Variants in LRRK1 observed in about 807,000 individuals in gnomAD.
LRRK1 encodes leucine-rich repeat serine/threonine-protein kinase 1.
Under a neutral mutation model 209.1 loss-of-function variants are expected in LRRK1, and 113 were observed. That is an observed-to-expected ratio of 0.54 (90% CI 0.46 to 0.63). The LOEUF (loss-of-function observed/expected upper bound fraction) is 0.63. LRRK1 is among the 30% of genes least tolerant of loss of function. The pLI is 0.00. For synonymous variants in LRRK1, 1,144 were observed against 1,099.7 expected, an observed-to-expected ratio of 1.04 and a Z score of -0.80; for missense variants, 2,284 against 2,632.2, an observed-to-expected ratio of 0.87 and a Z score of 2.89.
chr15:100,924,327 G>C lies in LRRK1; in HGVS notation c.-122-184G>C, dbSNP rs563359180. ...CTCAGGTAGACAATACCTGAGCCCC[G>C]CATCAAGATGGGATGGGGGGAGCTG... On this transcript the variant is annotated intron_variant, in intron 1 of 33. Coordinates refer to ENST00000388948, the MANE Select transcript of LRRK1 (RefSeq NM_024652.6). Among the ~76,000 whole-genome samples, 11 of 152,296 alleles carry C rather than the reference G, an allele frequency of 7.2e-5. No individual in the cohort carries two copies. In the East Asian group the frequency reaches 2.1e-3, roughly 29 times the overall value.
At position 101,048,634 on chromosome 15, in the gene LRRK1, C is replaced by A; in HGVS notation, c.3276C>A (p.Val1092=). ...TCTATTGGCAGGAAGGGCTCCTGGT[C>A]ACTTTTGATGGGGGCTACCTCAGGT... ...QTIYWQEGLL[V]TFDGGYLSVE... is the part of the protein sequence containing the mutation. The change falls in exon 22 of 34, where the codon GTC becomes GTA. Residue 1092 remains valine, a synonymous_variant. Coordinates refer to ENST00000388948, the MANE Select transcript of LRRK1 (RefSeq NM_024652.6). 6.5e-7 allele frequency: 1 copy of A among 1,538,142 alleles called. No homozygotes were observed. The highest frequency in any genetic ancestry group is 1.3e-5 in the South Asian group (1 of 78,776).
At chr15:100,974,558 G>A (rs527388040) in intron 3 of LRRK1, among the ~76,000 whole-genome samples, 30 of 152,250 alleles carry the variant, frequency 2.0e-4, no homozygotes, top group East Asian at 1.7e-3. Context: ...CCTTGTAGGC[G>A]TCTCCTTCAA....
chr15:101,047,178 T>C (rs908448032), intron 21 of LRRK1, among the ~76,000 whole-genome samples: 5 of 152,248 alleles, frequency 3.3e-5, no homozygotes, highest in African/African-American at 1.2e-4. Flanking sequence ...AAAGCCCTTA[T>C]TGAATTATAA....
intron 2 of LRRK1, among the ~76,000 whole-genome samples, chr15:100,946,402 T>A (rs1251119614): frequency 6.6e-6 from 1 of 152,106 alleles, no homozygotes; most frequent in Non-Finnish European, 1.5e-5. Flanking sequence ...AGCGAGACAA[T>A]GCACAGAGAA....
intron 2 of LRRK1, among the ~76,000 whole-genome samples, chr15:100,968,604 T>G (rs1335837058): frequency 6.6e-6 from 1 of 152,178 alleles, no homozygotes; most frequent in Non-Finnish European, 1.5e-5. Flanking sequence ...TTTGAATATT[T>G]TTTTGCTGTT....
intron 2 of LRRK1, among the ~76,000 whole-genome samples, chr15:100,936,289 C>T (rs989866050): frequency 3.3e-5 from 5 of 152,200 alleles, no homozygotes; most frequent in African/African-American, 1.2e-4. Context: ...TCCTTCAACT[C>T]CAGGGGTAGC....
intron 3 of LRRK1, among the ~76,000 whole-genome samples, chr15:100,977,311 A>G (rs530336094): frequency 6.6e-6 from 1 of 152,150 alleles, no homozygotes; most frequent in Non-Finnish European, 1.5e-5. Flanking sequence ...CACTGAAGAA[A>G]TATACTTGCA....
chr15:100,991,749 G>A (rs2032164699), intron 6 of LRRK1, among the ~76,000 whole-genome samples: 2 of 152,002 alleles, frequency 1.3e-5, no homozygotes, highest in Non-Finnish European at 2.9e-5. Flanking sequence ...CTCAAAAACT[G>A]AATAATCATG....
At chr15:100,977,752 G>T (rs12906757) in intron 3 of LRRK1, among the ~76,000 whole-genome samples, 17,728 of 152,176 alleles carry the variant, frequency 0.12, 1,077 homozygotes, top group African/African-American at 0.14. Context: ...GAGGAGACCT[G>T]CCAACACACA....
intron 12 of LRRK1, among the ~76,000 whole-genome samples, chr15:101,019,876 G>A (rs574217130): frequency 3.3e-5 from 5 of 152,296 alleles, no homozygotes; most frequent in Non-Finnish European, 7.3e-5. Context: ...ATCAGTGTGC[G>A]TTTCCAAGCT....
chr15:101,025,828 C>T (rs898101017), intron 16 of LRRK1, 137 bp from the exon 17 acceptor site: 17 of 834,980 alleles, frequency 2.0e-5, no homozygotes, highest in African/African-American at 1.0e-4. Context: ...ACATCCAAAC[C>T]GTCTCAAGGC....
At chr15:101,035,849 T>A (rs1393921843) in intron 20 of LRRK1, among the ~76,000 whole-genome samples, 1 of 152,214 alleles carries the variant, frequency 6.6e-6, no homozygotes, top group Non-Finnish European at 1.5e-5. Flanking sequence ...TACTTTTGTG[T>A]GTTTTCATGA....
In LRRK1 at chr15:101,068,907, C is replaced by T; in HGVS notation, c.*59C>T. 2 of 1,477,450 alleles carry T rather than the reference C, an allele frequency of 1.4e-6. No homozygotes were observed. Among genetic ancestry groups the T allele is most frequent in the Admixed American group, 2.2e-5 (1 of 46,020 alleles). The allele number at this position is 1,477,450 out of a possible 1,614,324, so 91.5% of individuals were successfully genotyped here. A position where few individuals can be genotyped will look rare whatever the true frequency, so the allele number is the denominator to read the frequency against. Reference sequence around the variant, plus strand: ...GCTGGCCCGGGGCTGCAGCCTGACCCCTCTGCCATCGGCCTCTAGTTCTCC... The same window carrying T: ...GCTGGCCCGGGGCTGCAGCCTGACCTCTCTGCCATCGGCCTCTAGTTCTCC... On this transcript the variant is annotated 3_prime_UTR_variant, in exon 34 of 34. Transcript: ENST00000388948.
intron 2 of LRRK1, among the ~76,000 whole-genome samples, chr15:100,935,187 G>A (rs1037133704): frequency 6.6e-6 from 1 of 152,198 alleles, no homozygotes; most frequent in South Asian, 2.1e-4. Context: ...GCACTCTACT[G>A]TCAGGAGTGA....
intron 3 of LRRK1, among the ~76,000 whole-genome samples, chr15:100,975,065 G>A (rs1400854369): frequency 2.0e-5 from 3 of 152,206 alleles, no homozygotes; most frequent in Non-Finnish European, 4.4e-5. Context: ...TTAAGCAGAA[G>A]GAAGGCATTT....
chr15:101,051,776 G>C lies in LRRK1; in HGVS notation c.3505G>C (p.Glu1169Gln), dbSNP rs755387791. 2 of 1,613,940 alleles carry C rather than the reference G, an allele frequency of 1.2e-6. No individual in the cohort carries two copies. The highest frequency in any genetic ancestry group is 1.7e-6 in the Non-Finnish European group (2 of 1,180,028). ...MEQYVPCPVC[E>Q]TAWAQHTDPS... is the part of the protein sequence containing the mutation. ...GCAGTACGTGCCCTGCCCGGTCTGCGAGACAGCCTGGGCCCAGCACACGGA... is the reference window on the plus strand; with the variant it reads ...GCAGTACGTGCCCTGCCCGGTCTGCCAGACAGCCTGGGCCCAGCACACGGA... Residue 1169 changes from glutamate to glutamine, a missense_variant, in exon 24 of 34, where the codon GAG becomes CAG. Physicochemically the swap from Glu to Gln is conservative, Grantham distance 29 (BLOSUM62 2). This residue lies in a region of LRRK1 where 780 missense variants were observed against 985.2 expected (regional missense o/e 0.79). Transcript: ENST00000388948.
intron 3 of LRRK1, among the ~76,000 whole-genome samples, chr15:100,976,474 T>C (rs571380165): frequency 6.6e-6 from 1 of 152,188 alleles, no homozygotes; most frequent in Non-Finnish European, 1.5e-5. Context: ...AAAACAAAAA[T>C]GAAGCAGCCT....
At position 101,008,968 on chromosome 15, in the gene LRRK1, C is replaced by T. The variant is rs1373007129; in HGVS notation, c.894C>T (p.Pro298=). 6.2e-7 allele frequency: 1 copy of T among 1,614,118 alleles called. No individual in the cohort carries two copies. The highest frequency in any genetic ancestry group is 1.7e-5 in the Admixed American group (1 of 60,030). ...TGGCGACCCTCCCCTCGGTTATCCC[C>T]TGGGGCCTCATCAATCTCCGGAAGC... ...NCLATLPSVI[P]WGLINLRKLN... is the part of the protein sequence containing the mutation. The change falls in exon 7 of 34, where the codon CCC becomes CCT. Residue 298 remains proline (P), a synonymous_variant. Transcript: ENST00000388948.
rs377311326 is a variant in LRRK1 at position 101,052,955 on chromosome 15, C to A, written c.3723C>A (p.Ser1241Arg). 4.3e-5 allele frequency: 69 copies of A among 1,611,126 alleles called. No individual in the cohort carries two copies. The highest frequency in any genetic ancestry group is 5.3e-5 in the Non-Finnish European group (63 of 1,178,154). ...LFLENSKLEH[S>R]EDEGSVLGQG... ...TGGAGAACAGCAAGCTGGAGCACAGCGAGGACGAGGGCAGCGTCCTGGGCC... is the reference window on the plus strand; with the variant it reads ...TGGAGAACAGCAAGCTGGAGCACAGAGAGGACGAGGGCAGCGTCCTGGGCC... Residue 1241 changes from serine (S) to arginine (R), a missense_variant, in exon 25 of 34, where the codon AGC becomes AGA. By Grantham distance (110) the Ser-to-Arg change is moderately radical. Around this residue, in one of 6 missense-constraint regions of LRRK1, gnomAD observed 780 missense variants for 985.2 expected, o/e 0.79. Coordinates refer to ENST00000388948, the MANE Select transcript of LRRK1 (RefSeq NM_024652.6).
Sources: gnomAD v4.1 joint callset for allele counts (sites outside exome capture counted in the v4.1 genomes callset) on GRCh38, gnomAD v4.1.1 for gene constraint, gnomAD v4.1.1 regional missense constraint, MANE v1.5 for transcripts, NCBI Gene and HGNC (gene_info 2026-07-23, HGNC 2026-07-21) for gene names.